The following RCAN1 variants were observed in gnomAD, a reference collection of about 807,000 sequenced individuals.
The protein encoded by RCAN1 is regulator of calcineurin 1.
In RCAN1, 11 loss-of-function variants were observed where a neutral mutation model predicts 22.9. The ratio of observed to expected loss-of-function variants is 0.48; its 90% CI spans 0.30 to 0.79. The LOEUF (loss-of-function observed/expected upper bound fraction) is 0.79, where lower values mean the gene tolerates loss of function less well. Ranked by LOEUF, RCAN1 falls within the 30% of genes least tolerant of loss-of-function variation. The pLI is 0.06. For synonymous variants in RCAN1, 136 were observed against 142.3 expected, an observed-to-expected ratio of 0.96 and a Z score of 0.32; for missense variants, 291 against 337.8, an observed-to-expected ratio of 0.86 and a Z score of 1.09.
intron 3 of RCAN1, among the ~76,000 whole-genome samples, chr21:34,520,246 T>C (rs1194946758): frequency 2.0e-5 from 3 of 152,208 alleles, no homozygotes; most frequent in East Asian, 3.8e-4. Flanking sequence ...TTCTGGAGTA[T>C]GCAGAATTTT....
intron 1 of RCAN1, among the ~76,000 whole-genome samples, chr21:34,531,259 G>A (rs1168447389): frequency 6.6e-6 from 1 of 152,202 alleles, no homozygotes; most frequent in Non-Finnish European, 1.5e-5. Context: ...CACACACTAT[G>A]TTTAGGAGAG....
intron 1 of RCAN1, among the ~76,000 whole-genome samples, chr21:34,597,261 A>T (rs556760705): frequency 4.6e-5 from 7 of 152,356 alleles, no homozygotes; most frequent in African/African-American, 1.4e-4. Context: ...GCTCAATAAC[A>T]TGACAATTTA....
intron 1 of RCAN1, among the ~76,000 whole-genome samples, chr21:34,533,809 C>A (rs1447568039): frequency 6.6e-6 from 1 of 152,174 alleles, no homozygotes; most frequent in African/African-American, 2.4e-5. Context: ...CATGCGAGTG[C>A]ATGAGGACCT....
At chr21:34,555,782 G>T (rs1277149756) in intron 1 of RCAN1, among the ~76,000 whole-genome samples, 1 of 151,714 alleles carries the variant, frequency 6.6e-6, no homozygotes, top group Non-Finnish European at 1.5e-5. Context: ...TAAAAGGCAG[G>T]CCGGGCACCG....
chr21:34,600,300 A>C (rs749551512), intron 1 of RCAN1, among the ~76,000 whole-genome samples: 6 of 152,246 alleles, frequency 3.9e-5, no homozygotes, highest in Non-Finnish European at 8.8e-5. Context: ...CAGCATTCAG[A>C]GATAGGAACC....
intron 1 of RCAN1, among the ~76,000 whole-genome samples, chr21:34,574,328 G>C (rs764283992): frequency 6.6e-6 from 1 of 152,204 alleles, no homozygotes; most frequent in African/African-American, 2.4e-5. Context: ...TCAATCAAGC[G>C]TGAGGGTGAG....
At chr21:34,600,082 A>T (rs972085673) in intron 1 of RCAN1, among the ~76,000 whole-genome samples, 2 of 151,910 alleles carry the variant, frequency 1.3e-5, no homozygotes, top group African/African-American at 4.8e-5. Flanking sequence ...AAAGCCCCTC[A>T]CTCCAATCTT....
intron 1 of RCAN1, among the ~76,000 whole-genome samples, chr21:34,541,482 C>G (rs1021111057): frequency 6.6e-6 from 1 of 152,156 alleles, no homozygotes; most frequent in Non-Finnish European, 1.5e-5. Flanking sequence ...ATCAAATAAG[C>G]AGGTGCTTTT....
chr21:34,596,132 T>C (rs868690393), intron 1 of RCAN1, among the ~76,000 whole-genome samples: 1 of 152,332 alleles, frequency 6.6e-6, no homozygotes, highest in Non-Finnish European at 1.5e-5. Context: ...GTGGCTATTA[T>C]GAGCCCCATC....
At chr21:34,541,402 C>T (rs1985905651) in intron 1 of RCAN1, among the ~76,000 whole-genome samples, 1 of 152,196 alleles carries the variant, frequency 6.6e-6, no homozygotes, top group African/African-American at 2.4e-5. Flanking sequence ...TCAACCTACA[C>T]AAGAATCTGC....
At position 34,521,617 on chromosome 21, in the gene RCAN1, T is replaced by C. The variant is rs542061689; in HGVS notation, c.468A>G (p.Pro156=). Residue 156 remains proline (P), a synonymous_variant, in exon 3 of 4, where the codon CCA becomes CCG. Transcript: ENST00000313806. The part of the protein sequence containing the change: ...IGSSHLAPPN[P]DKQFLISPPA... The stretch of plus-strand genomic sequence containing the variant: ...GAGGGGAGATCAGAAACTGCTTGTC[T>C]GGATTTGGCGGAGCCAGGTGTGAGC... 4.2e-5 allele frequency: 68 copies of C among 1,613,998 alleles called. 3 individuals carry two copies. The South Asian group carries it at 5.6e-4, about 13-fold the overall frequency.
At chr21:34,554,353 A>G (rs1488326402) in intron 1 of RCAN1, among the ~76,000 whole-genome samples, 1 of 152,228 alleles carries the variant, frequency 6.6e-6, no homozygotes, top group African/African-American at 2.4e-5. Context: ...TCTTTCTTTC[A>G]AAGTGAATTC....
At chr21:34,558,898 C>G (rs1017696593) in intron 1 of RCAN1, among the ~76,000 whole-genome samples, 2 of 152,314 alleles carry the variant, frequency 1.3e-5, no homozygotes, top group East Asian at 3.9e-4. Context: ...CCGGAAAGAA[C>G]ACAATCATGG....
At chr21:34,526,860 A>AG (rs1339761591) in intron 1 of RCAN1, 16 of 1,481,634 alleles carry the variant, frequency 1.1e-5, no homozygotes, top group Non-Finnish European at 1.3e-5. Flanking sequence ...TAAAGCAGTA[A>AG]GGGCCAGCCC....
intron 1 of RCAN1, among the ~76,000 whole-genome samples, chr21:34,567,953 AAAG>A (rs879272747): frequency 0.014 from 2,123 of 152,312 alleles, 30 homozygotes; most frequent in Middle Eastern, 0.034. Context: ...GGTCAATGTC[AAAG>A]TAAGGACCAA....
chr21:34,575,809 G>C (rs1407657952), intron 1 of RCAN1, among the ~76,000 whole-genome samples: 2 of 152,208 alleles, frequency 1.3e-5, no homozygotes, highest in African/African-American at 4.8e-5. Flanking sequence ...CAGAAGAAGA[G>C]ACGAGACAGC....
At chr21:34,571,597 C>A (rs547441189) in intron 1 of RCAN1, among the ~76,000 whole-genome samples, 1 of 152,274 alleles carries the variant, frequency 6.6e-6, no homozygotes, top group Non-Finnish European at 1.5e-5. Flanking sequence ...CACTCTGTTG[C>A]CCCAGCTGGG....
At chr21:34,547,040 A>T (rs115947257) in intron 1 of RCAN1, among the ~76,000 whole-genome samples, 2 of 152,334 alleles carry the variant, frequency 1.3e-5, no homozygotes, top group African/African-American at 4.8e-5. Context: ...GTCTCCAGTG[A>T]GTAAGACAGT....
intron 1 of RCAN1, among the ~76,000 whole-genome samples, chr21:34,546,916 T>A (rs1369627448): frequency 1.3e-5 from 2 of 152,230 alleles, no homozygotes; most frequent in African/African-American, 4.8e-5. Flanking sequence ...AGAAAATGAT[T>A]AGTCATGAGT....
Sources: gnomAD v4.1 joint callset for allele counts (sites outside exome capture counted in the v4.1 genomes callset) on GRCh38, gnomAD v4.1.1 for gene constraint, MANE v1.5 for transcripts, NCBI Gene and HGNC (gene_info 2026-07-23, HGNC 2026-07-21) for gene names.